TOPBP1: variants seen among roughly 807,000 people sequenced by gnomAD.
TOPBP1 encodes DNA topoisomerase 2-binding protein 1.
In TOPBP1, 28 loss-of-function variants were observed where a neutral mutation model predicts 167.7. The ratio of observed to expected loss-of-function variants is 0.17; its 90% CI spans 0.12 to 0.23. TOPBP1 has a LOEUF of 0.23. TOPBP1 is among the 10% of genes least tolerant of loss of function. The probability of loss-of-function intolerance (pLI) is 1.00; values close to 1 mark genes in which losing one functional copy is unlikely to be tolerated. For missense variants in TOPBP1, 1,554 were observed against 1,809.6 expected, an observed-to-expected ratio of 0.86 and a Z score of 2.56; for synonymous variants, 598 against 611.4, an observed-to-expected ratio of 0.98 and a Z score of 0.32.
intron 14 of TOPBP1, among the ~76,000 whole-genome samples, chr3:133,629,257 C>A (rs1935380708): frequency 6.6e-6 from 1 of 152,222 alleles, no homozygotes; most frequent in Non-Finnish European, 1.5e-5. Context: ...AAATGGCTTG[C>A]TCATTCTCTT....
chr3:133,608,777 CA>C, intron 26 of TOPBP1, 81 bp from the exon 27 acceptor site: 1 of 1,566,222 alleles, frequency 6.4e-7, no homozygotes, highest in Non-Finnish European at 8.7e-7. Flanking sequence ...TAAGGATTAC[CA>C]TTTCAAAAAG....
At chr3:133,639,708 T>C (rs1559824035) in intron 13 of TOPBP1, among the ~76,000 whole-genome samples, 1 of 152,246 alleles carries the variant, frequency 6.6e-6, no homozygotes, top group Non-Finnish European at 1.5e-5. Flanking sequence ...ACAGGAAACA[T>C]GCAGAAGCCC....
intron 27 of TOPBP1, among the ~76,000 whole-genome samples, chr3:133,603,995 G>T (rs1265650615): frequency 6.6e-6 from 1 of 151,258 alleles, no homozygotes; most frequent in East Asian, 1.9e-4. Flanking sequence ...GATTACAATG[G>T]AATTCAATGG....
At chr3:133,629,368 A>G (rs866406835) in intron 14 of TOPBP1, among the ~76,000 whole-genome samples, 2 of 152,188 alleles carry the variant, frequency 1.3e-5, no homozygotes, top group African/African-American at 4.8e-5. Flanking sequence ...TAATGATGCA[A>G]TGAATAACCT....
chr3:133,618,106 T>C, intron 21 of TOPBP1, 107 bp downstream of exon 21: 1 of 939,292 alleles, frequency 1.1e-6, no homozygotes, highest in East Asian at 2.7e-5. Context: ...CGAAGTTTTT[T>C]TTGTTTGCAC....
chr3:133,639,847 A>G, intron 13 of TOPBP1, 112 bp downstream of exon 13: 5 of 1,063,168 alleles, frequency 4.7e-6, no homozygotes, highest in Non-Finnish European at 5.4e-6. Flanking sequence ...ACTGCACCCA[A>G]TGTGAAAAGC....
In TOPBP1 at chr3:133,637,914, A is replaced by G. The variant is rs749225726; in HGVS notation, c.2482T>C (p.Ser828Pro). 1.2e-6 allele frequency: 2 copies of G among 1,613,816 alleles called. No homozygotes were observed. The highest frequency in any genetic ancestry group is 2.7e-5 in the African/African-American group (2 of 74,926). The change falls in exon 14 of 28, where the codon TCC (serine) becomes CCC (proline). Residue 828 changes from serine (S) to proline (P), a missense_variant. Transcript: ENST00000260810. ...LHLDTPSKFL[S>P]KDKLFKPSFD... ...GAAGGCTTGAAGAGTTTGTCCTTGG[A>G]CAGGAATTTTGATGGTGTATCCAGG...
At chr3:133,625,084 A>G (rs1935223430) in intron 16 of TOPBP1, among the ~76,000 whole-genome samples, 1 of 152,134 alleles carries the variant, frequency 6.6e-6, no homozygotes, top group Non-Finnish European at 1.5e-5. Context: ...CTCCTATCTC[A>G]GCCTCCTGAG....
At chr3:133,651,390 A>G (rs1936298865) in intron 8 of TOPBP1, among the ~76,000 whole-genome samples, 1 of 151,804 alleles carries the variant, frequency 6.6e-6, no homozygotes, top group East Asian at 2.0e-4. Flanking sequence ...GGGTTTCACC[A>G]TGTTGGCCAG....
chr3:133,632,037 G>A (rs1263639060), intron 14 of TOPBP1, among the ~76,000 whole-genome samples: 2 of 152,058 alleles, frequency 1.3e-5, no homozygotes, highest in Non-Finnish European at 2.9e-5. Context: ...ATTTTCGACC[G>A]TGATTGTAAT....
intron 27 of TOPBP1, among the ~76,000 whole-genome samples, chr3:133,603,144 C>T (rs1934369357): frequency 2.0e-5 from 3 of 152,148 alleles, no homozygotes; most frequent in Admixed American, 6.5e-5. Flanking sequence ...GATCTGCCCA[C>T]CTTGGCCTCC....
chr3:133,620,271 C>T lies in TOPBP1; in HGVS notation c.3255G>A (p.Val1085=). ...LQEIMSATSI[V]KPQGQRTSLS... ...GGGAAGTCCTCTGCCCTTGGGGTTT[C>T]ACTATTGATGTTGCAGACATTATCT... Residue 1085 remains valine, a synonymous_variant, in exon 20 of 28, where the codon GTG becomes GTA. Transcript: ENST00000260810. 1 of 1,613,990 alleles carries T rather than the reference C, an allele frequency of 6.2e-7. No homozygotes were observed. The highest frequency in any genetic ancestry group is 1.1e-5 in the South Asian group (1 of 91,082).
chr3:133,608,217 TA>T (rs1355090617), intron 27 of TOPBP1, among the ~76,000 whole-genome samples: 1 of 152,210 alleles, frequency 6.6e-6, no homozygotes, highest in Non-Finnish European at 1.5e-5. Flanking sequence ...GACCTTTGGA[TA>T]AATGTTTCTC....
intron 24 of TOPBP1, 40 bp from the exon 25 acceptor site, chr3:133,611,181 G>A: frequency 6.3e-7 from 1 of 1,590,086 alleles, no homozygotes; most frequent in East Asian, 2.2e-5. Context: ...GTTACAGTCT[G>A]GGGAGCCACT....
intron 8 of TOPBP1, among the ~76,000 whole-genome samples, chr3:133,652,146 A>C (rs1936329609): frequency 6.6e-6 from 1 of 152,154 alleles, no homozygotes; most frequent in Admixed American, 6.6e-5. Flanking sequence ...ATTAAAAAAA[A>C]AAAATCCAAT....
intron 14 of TOPBP1, among the ~76,000 whole-genome samples, chr3:133,629,281 G>A (rs926940647): frequency 2.0e-5 from 3 of 152,192 alleles, no homozygotes; most frequent in African/African-American, 7.2e-5. Context: ...CATGTGTATA[G>A]TATTCCATGT....
At chr3:133,658,136 C>T (rs1192333937) in intron 3 of TOPBP1, among the ~76,000 whole-genome samples, 195 bp from the exon 4 acceptor site, 1 of 152,144 alleles carries the variant, frequency 6.6e-6, no homozygotes, top group Non-Finnish European at 1.5e-5. Flanking sequence ...CACTCACACA[C>T]AAAAGCAAAT....
chr3:133,643,528 T>C (rs1454183152), intron 11 of TOPBP1, among the ~76,000 whole-genome samples, 156 bp from the exon 12 acceptor site: 2 of 152,202 alleles, frequency 1.3e-5, no homozygotes, highest in Non-Finnish European at 2.9e-5. Flanking sequence ...TTTCATATCA[T>C]AATGTTAGAG....
At chr3:133,619,871 G>T (rs956525071) in intron 20 of TOPBP1, among the ~76,000 whole-genome samples, 13 of 152,152 alleles carry the variant, frequency 8.5e-5, no homozygotes, top group Admixed American at 2.0e-4. Context: ...ACTGCTGGGA[G>T]CAAGAAATGG....
Sources: allele counts gnomAD v4.1 joint callset (sites outside exome capture counted in the v4.1 genomes callset), GRCh38; gene constraint gnomAD v4.1.1; transcripts MANE v1.5; gene names NCBI Gene and HGNC (gene_info 2026-07-23, HGNC 2026-07-21).